PCDHGA2: variants seen among roughly 807,000 people sequenced by gnomAD.
The protein encoded by PCDHGA2 is protocadherin gamma subfamily A, 2, also known as protocadherin gamma-A2.
A neutral mutation model predicts 59.2 loss-of-function variants in PCDHGA2; 40 were observed. The observed-to-expected ratio is 0.68, with a 90% CI of 0.52 to 0.88. PCDHGA2 has a LOEUF of 0.88. PCDHGA2 is among the 40% of genes least tolerant of loss of function. The probability of loss-of-function intolerance (pLI) is 0.00; values close to 1 mark genes in which losing one functional copy is unlikely to be tolerated. For synonymous variants in PCDHGA2, 560 were observed against 526.0 expected (o/e 1.06, Z -0.89); for missense variants, 1,226 against 1,204.0 (o/e 1.02, Z -0.27).
chr5:141,477,087 C>T lies in PCDHGA2; in HGVS notation c.2425-17720C>T, dbSNP rs748424193. ...AAACTCCATGAGATTTACATCCAGG[C>T]CAAAGACAAGGGCGCCAATCCCGAA... On this transcript the variant is annotated intron_variant, in intron 1 of 3. Coordinates refer to ENST00000394576, the MANE Select transcript of PCDHGA2 (RefSeq NM_018915.4). The surrounding 1 kb of genome is among the most constrained non-coding windows in gnomAD (Gnocchi z 4.9). The T allele has an allele frequency of 1.2e-6, 2 of 1,614,244 alleles. No individual in the cohort carries two copies. Among genetic ancestry groups the T allele is most frequent in the Admixed American group, 3.3e-5 (2 of 60,032 alleles).
Position 141,422,468 on chromosome 5 carries a change from A to T in PCDHGA2, c.2425-72339A>T, listed in dbSNP as rs555211298. On this transcript the variant is annotated intron_variant, in intron 1 of 3. Transcript: ENST00000394576. ...ATAACAAGCAGAGTGCTGGACAGGG[A>T]GTTGGTCCAGAGCTACAATATAACG... 59 of 1,613,640 alleles carry T rather than the reference A, an allele frequency of 3.7e-5. No homozygotes were observed. In the South Asian group the frequency reaches 4.7e-4, roughly 13 times the overall value.
intron 1 of PCDHGA2, chr5:141,409,175 G>T: frequency 6.2e-7 from 1 of 1,614,008 alleles, no homozygotes; most frequent in Non-Finnish European, 8.5e-7. Flanking sequence ...GAAGGACGGA[G>T]GTGGTCTCTC....
intron 1 of PCDHGA2, chr5:141,360,559 AT>A: frequency 1.2e-6 from 2 of 1,614,032 alleles, no homozygotes; most frequent in Non-Finnish European, 8.5e-7. Flanking sequence ...TAATTTAAAA[AT>A]TGGCGAATCC....
intron 1 of PCDHGA2, chr5:141,355,598 T>G (rs749684792): frequency 6.2e-7 from 1 of 1,613,952 alleles, no homozygotes; most frequent in Non-Finnish European, 8.5e-7. Flanking sequence ...CCACCCAGTT[T>G]TGGGACAGAA....
intron 1 of PCDHGA2, chr5:141,389,833 C>T (rs1561628239): frequency 6.2e-7 from 1 of 1,613,996 alleles, no homozygotes; most frequent in East Asian, 2.2e-5. Flanking sequence ...GGTGGACAGC[C>T]ACCACTCTCG....
rs753472869 is a variant in PCDHGA2, at chr5:141,366,592, C to T, written c.2424+25197C>T. On this transcript the variant is annotated intron_variant, in intron 1 of 3. Coordinates refer to ENST00000394576, the MANE Select transcript of PCDHGA2 (RefSeq NM_018915.4). ...TTCGGGCTTTCCTGCAGACCTATTC[C>T]CACGAGGTCTCCCTCACCGCGGACT... The T allele has an allele frequency of 8.1e-6, 13 of 1,614,256 alleles. No individual in the cohort carries two copies. In the South Asian group the frequency reaches 1.4e-4, roughly 18 times the overall value.
chr5:141,397,248 T>C (rs2093496152), intron 1 of PCDHGA2, among the ~76,000 whole-genome samples: 1 of 152,168 alleles, frequency 6.6e-6, no homozygotes, highest in South Asian at 2.1e-4. Flanking sequence ...CGTAGTAGGG[T>C]ATATCATTTC....
Position 141,477,514 on chromosome 5 carries a change from T to G in PCDHGA2, c.2425-17293T>G. 1 of 1,614,114 alleles carries G rather than the reference T, an allele frequency of 6.2e-7. No individual in the cohort carries two copies. Among genetic ancestry groups the G allele is most frequent in the Non-Finnish European group, 8.5e-7 (1 of 1,180,026 alleles). On this transcript the variant is annotated intron_variant, in intron 1 of 3. Coordinates refer to ENST00000394576, the MANE Select transcript of PCDHGA2 (RefSeq NM_018915.4). The surrounding 1 kb of genome is among the most constrained non-coding windows in gnomAD (Gnocchi z 4.9). Reference sequence around the variant, plus strand: ...CTCAATCTTCCTACGACGTTTACATTGAAGAAAACAACCTCCCCGGGGCTC... The same window carrying G: ...CTCAATCTTCCTACGACGTTTACATGGAAGAAAACAACCTCCCCGGGGCTC...
intron 2 of PCDHGA2, among the ~76,000 whole-genome samples, chr5:141,495,834 C>T (rs1366861675): frequency 6.6e-6 from 1 of 152,198 alleles, no homozygotes; most frequent in African/African-American, 2.4e-5. Context: ...CTATCCCCAG[C>T]CTCTATGTTT....
rs1327978995 is a variant in PCDHGA2, at chr5:141,345,630, A to C, written c.2424+4235A>C. 7 of 1,614,206 alleles carry C rather than the reference A, an allele frequency of 4.3e-6. No homozygotes were observed. In the East Asian group the frequency reaches 1.6e-4, roughly 36 times the overall value. On this transcript the variant is annotated intron_variant, in intron 1 of 3. Coordinates refer to ENST00000394576, the MANE Select transcript of PCDHGA2 (RefSeq NM_018915.4). ...ATTTAGAGACTTAAAGCTACTGGTG[A>C]CAGCCAGCGACAGCGGGAACCCTCC...
chr5:141,450,220 G>A (rs898186696), intron 1 of PCDHGA2, among the ~76,000 whole-genome samples: 12 of 151,956 alleles, frequency 7.9e-5, no homozygotes, highest in African/African-American at 2.9e-4. Flanking sequence ...GTTTCACTAT[G>A]TTGGCCAGGC....
In PCDHGA2 at chr5:141,491,762, C is replaced by T. The variant is rs1162878124; in HGVS notation, c.2425-3045C>T. The T allele has an allele frequency of 6.4e-7, 1 of 1,572,596 alleles. No homozygotes were observed. The highest frequency in any genetic ancestry group is 1.4e-5 in the African/African-American group (1 of 73,308). ...GGCGGCACTGGAGAAGCCGCCCGTC[C>T]TCATAAGGGATTGAACTTGCATCCA... On this transcript the variant is annotated intron_variant, in intron 1 of 3. Transcript: ENST00000394576. The surrounding 1 kb of genome is among the most constrained non-coding windows in gnomAD (Gnocchi z 6.9).
intron 1 of PCDHGA2, chr5:141,388,656 G>C (rs747453786): frequency 2.5e-5 from 40 of 1,613,886 alleles, no homozygotes; most frequent in Non-Finnish European, 3.4e-5. Context: ...CGTGTACCCG[G>C]GGACCACGGT....
intron 1 of PCDHGA2, chr5:141,419,854 A>G: frequency 1.9e-6 from 3 of 1,614,078 alleles, no homozygotes; most frequent in Non-Finnish European, 2.5e-6. Flanking sequence ...TGGTGTTCGC[A>G]GATAGCTTGC....
intron 1 of PCDHGA2, chr5:141,392,678 G>A: frequency 1.1e-6 from 1 of 941,110 alleles, no homozygotes; most frequent in Non-Finnish European, 1.5e-6. Flanking sequence ...CTGCTGGACT[G>A]CAGCGAAACC....
chr5:141,487,100 C>A lies in PCDHGA2; in HGVS notation c.2425-7707C>A. ...CCCAGCTGACCTCCCACCACAGAAGCTGGTCATTGTGGTAAAGGATAGTGG... is the reference window on the plus strand; with the variant it reads ...CCCAGCTGACCTCCCACCACAGAAGATGGTCATTGTGGTAAAGGATAGTGG... On this transcript the variant is annotated intron_variant, in intron 1 of 3. Coordinates refer to ENST00000394576, the MANE Select transcript of PCDHGA2 (RefSeq NM_018915.4). This position sits in a 1 kb window ranked among gnomAD's most constrained non-coding sequence, Gnocchi z 5.0. The A allele has an allele frequency of 1.2e-6, 2 of 1,614,076 alleles. No homozygotes were observed. The highest frequency in any genetic ancestry group is 1.7e-6 in the Non-Finnish European group (2 of 1,179,960).
chr5:141,420,458 C>A, intron 1 of PCDHGA2: 3 of 925,194 alleles, frequency 3.2e-6, no homozygotes, highest in Non-Finnish European at 2.9e-6. Context: ...TCCTACTATT[C>A]AAAGACATTT....
chr5:141,492,833 C>T (rs951935267), intron 1 of PCDHGA2, among the ~76,000 whole-genome samples: 2 of 152,222 alleles, frequency 1.3e-5, no homozygotes, highest in African/African-American at 4.8e-5. Flanking sequence ...CCCTTCCTCC[C>T]GCAGGAAGTG....
intron 1 of PCDHGA2, chr5:141,413,663 A>T: frequency 6.2e-7 from 1 of 1,613,844 alleles, no homozygotes; most frequent in Non-Finnish European, 8.5e-7. Flanking sequence ...GAAGCTATTG[A>T]TCCGGATGTG....
Sources: allele counts gnomAD v4.1 joint callset (sites outside exome capture counted in the v4.1 genomes callset), GRCh38; gene constraint gnomAD v4.1.1; non-coding constraint Gnocchi (gnomAD v3.1); transcripts MANE v1.5; gene names NCBI Gene and HGNC (gene_info 2026-07-23, HGNC 2026-07-21).